SLC6A15: variants seen among roughly 807,000 people sequenced by gnomAD.
SLC6A15 encodes sodium-dependent neutral amino acid transporter B(0)AT2.
Under a neutral mutation model 68.5 loss-of-function variants are expected in SLC6A15, and 33 were observed. That is an observed-to-expected ratio of 0.48 (90% CI 0.37 to 0.64). SLC6A15 has a LOEUF of 0.64. SLC6A15 is among the 30% of genes least tolerant of loss of function. SLC6A15 has a pLI of 0.00. For missense variants in SLC6A15, 747 were observed against 874.3 expected, an observed-to-expected ratio of 0.85 and a Z score of 1.84; for synonymous variants, 347 against 301.0, an observed-to-expected ratio of 1.15 and a Z score of -1.58.
At chr12:84,869,504 C>T (rs978953972) in intron 9 of SLC6A15, among the ~76,000 whole-genome samples, 9 of 148,944 alleles carry the variant, frequency 6.0e-5, no homozygotes, top group African/African-American at 2.0e-4. Context: ...GGGAATTGCA[C>T]ACCACTGCCC....
At chr12:84,885,242 C>A (rs1872035666) in intron 4 of SLC6A15, among the ~76,000 whole-genome samples, 193 bp downstream of exon 4, 1 of 151,894 alleles carries the variant, frequency 6.6e-6, no homozygotes, top group African/African-American at 2.4e-5. Context: ...TTGGAAAGAG[C>A]TAAAAAAATT....
At position 84,861,958 on chromosome 12, in the gene SLC6A15, C is replaced by A; in HGVS notation, c.1867G>T (p.Val623Phe). 3.1e-6 allele frequency: 5 copies of A among 1,612,812 alleles called. No individual in the cohort carries two copies. Among genetic ancestry groups the A allele is most frequent in the Non-Finnish European group, 4.2e-6 (5 of 1,179,484 alleles). The change falls in exon 12 of 12, where the codon GTC becomes TTC. Residue 623 changes from valine to phenylalanine, a missense_variant. Coordinates refer to ENST00000266682, the MANE Select transcript of SLC6A15 (RefSeq NM_182767.6). ...AGTATTGCAAAGACAACCAGAGAGA[C>A]ACAAACAACCAGTCCCCATGTTGGA... is the stretch of plus-strand genomic sequence containing the variant. ...SYPTWGLVVC[V>F]SLVVFAILPV... is the part of the protein sequence containing the mutation.
chr12:84,873,244 T>C lies in SLC6A15; in HGVS notation c.952A>G (p.Ile318Val), dbSNP rs1346318625. The C allele has an allele frequency of 1.9e-6, 3 of 1,613,958 alleles. No homozygotes were observed. Among genetic ancestry groups the C allele is most frequent in the Non-Finnish European group, 1.7e-6 (2 of 1,179,988 alleles). Residue 318 changes from isoleucine (I) to valine (V), a missense_variant, in exon 7 of 12, where the codon ATT becomes GTT. Transcript: ENST00000266682. ...FALGLGFGGV[I>V]AFSSYNKRDN... ...CTCTTGTTGTAGCTTGAAAAGGCAA[T>C]GACACCACCAAATCCCAGACCTAAG...
chr12:84,868,224 CAT>C (rs1391584252), intron 9 of SLC6A15, among the ~76,000 whole-genome samples: 1 of 152,140 alleles, frequency 6.6e-6, no homozygotes, highest in Admixed American at 6.6e-5. Flanking sequence ...CATATGTAAA[CAT>C]ATAATGTAGA....
chr12:84,885,618 G>C (rs575958472), intron 3 of SLC6A15, 57 bp from the exon 4 acceptor site: 1 of 1,479,084 alleles, frequency 6.8e-7, no homozygotes, highest in African/African-American at 1.4e-5. Flanking sequence ...TTAAAAGAAT[G>C]AGATCAAATG....
At chr12:84,869,186 A>G (rs115877477) in intron 9 of SLC6A15, among the ~76,000 whole-genome samples, 1,630 of 152,240 alleles carry the variant, frequency 0.011, 27 homozygotes, top group African/African-American at 0.036. Flanking sequence ...AGAGCTGGGC[A>G]CGGTGGCTCA....
intron 5 of SLC6A15, 60 bp from the exon 6 acceptor site, chr12:84,876,667 A>T: frequency 1.3e-6 from 1 of 741,410 alleles, no homozygotes; most frequent in East Asian, 2.9e-5. Context: ...TATAGATAAG[A>T]TTTTATATGT....
rs769684947 is a variant in SLC6A15 at position 84,860,359 on chromosome 12, T to C, written c.*1273A>G. 6.6e-6 allele frequency: 1 copy of C among 152,102 alleles called. No individual in the cohort carries two copies. The highest frequency in any genetic ancestry group is 1.5e-5 in the Non-Finnish European group (1 of 67,956). 9.4% of individuals were successfully genotyped at this position (152,102 alleles called of 1,614,324 possible). A position where few individuals can be genotyped will look rare whatever the true frequency, so the allele number is the denominator to read the frequency against. On this transcript the variant is annotated 3_prime_UTR_variant, in exon 12 of 12. Coordinates refer to ENST00000266682, the MANE Select transcript of SLC6A15 (RefSeq NM_182767.6). Reference sequence around the variant, plus strand: ...CAACAGTTTTATTTAAAAATCATAGTCTTTTATACTTTGCAGACAATATTG... The same window carrying C: ...CAACAGTTTTATTTAAAAATCATAGCCTTTTATACTTTGCAGACAATATTG...
intron 1 of SLC6A15, among the ~76,000 whole-genome samples, chr12:84,904,313 T>C (rs778560344): frequency 4.6e-5 from 7 of 151,202 alleles, no homozygotes; most frequent in Non-Finnish European, 8.8e-5. Context: ...GGTATTGATA[T>C]TCCAGCCCTA....
chr12:84,867,363 A>G (rs1871107543), intron 9 of SLC6A15, 170 bp from the exon 10 acceptor site: 1 of 414,594 alleles, frequency 2.4e-6, no homozygotes, highest in Non-Finnish European at 4.1e-6. Context: ...GAATTAGGTT[A>G]CCTGGGTGTA....
At chr12:84,910,893 G>C (rs979700664) in intron 1 of SLC6A15, among the ~76,000 whole-genome samples, 1 of 149,016 alleles carries the variant, frequency 6.7e-6, no homozygotes, top group African/African-American at 2.6e-5. Flanking sequence ...ATGCTGGACA[G>C]AAAGCCTGAA....
At chr12:84,910,589 C>A (rs771822395) in intron 1 of SLC6A15, among the ~76,000 whole-genome samples, 11 of 152,170 alleles carry the variant, frequency 7.2e-5, no homozygotes, top group Non-Finnish European at 1.5e-4. Flanking sequence ...GGGGTTCGAG[C>A]TGTGAGAAAC....
chr12:84,867,077 T>G lies in SLC6A15; in HGVS notation c.1612A>C (p.Ile538Leu). ...AAGCATACAGCAATATTCTCCAAAATGACTACAATTAGCAGAGGCAGTGTA... is the reference window on the plus strand; with the variant it reads ...AAGCATACAGCAATATTCTCCAAAAGGACTACAATTAGCAGAGGCAGTGTA... ...SATLPLLIVV[I>L]LENIAVCFVY... The change falls in exon 10 of 12, where the codon ATT becomes CTT. Residue 538 changes from isoleucine to leucine, a missense_variant. Physicochemically the swap from Ile to Leu is conservative, Grantham distance 5 (BLOSUM62 2). Coordinates refer to ENST00000266682, the MANE Select transcript of SLC6A15 (RefSeq NM_182767.6). 1 of 1,610,798 alleles carries G rather than the reference T, an allele frequency of 6.2e-7. No homozygotes were observed. The highest frequency in any genetic ancestry group is 8.5e-7 in the Non-Finnish European group (1 of 1,178,504).
intron 4 of SLC6A15, among the ~76,000 whole-genome samples, chr12:84,884,514 C>G (rs1043189117): frequency 6.6e-6 from 1 of 152,032 alleles, no homozygotes; most frequent in Non-Finnish European, 1.5e-5. Context: ...CCACATTGGC[C>G]AGACTGTTCT....
chr12:84,863,808 A>G (rs1316162497), intron 10 of SLC6A15, among the ~76,000 whole-genome samples: 1 of 152,014 alleles, frequency 6.6e-6, no homozygotes, highest in Admixed American at 6.6e-5. Flanking sequence ...AGCTCTCTTA[A>G]GCCAATTACT....
At chr12:84,880,616 G>A (rs555307124) in intron 5 of SLC6A15, among the ~76,000 whole-genome samples, 1 of 152,084 alleles carries the variant, frequency 6.6e-6, no homozygotes, top group African/African-American at 2.4e-5. Flanking sequence ...TAATGAATGG[G>A]TGAATGATTA....
At chr12:84,864,751 A>C (rs562184482) in intron 10 of SLC6A15, among the ~76,000 whole-genome samples, 116 of 152,126 alleles carry the variant, frequency 7.6e-4, no homozygotes, top group Admixed American at 1.2e-3. Context: ...AGACCAAGAG[A>C]CCTCATTTCA....
intron 1 of SLC6A15, among the ~76,000 whole-genome samples, chr12:84,908,851 T>C (rs1269502357): frequency 6.6e-6 from 1 of 151,988 alleles, no homozygotes; most frequent in Non-Finnish European, 1.5e-5. Context: ...TACCTCTTAG[T>C]TTTTCACTCT....
intron 1 of SLC6A15, among the ~76,000 whole-genome samples, chr12:84,906,170 G>A (rs866906134): frequency 6.6e-6 from 1 of 151,976 alleles, no homozygotes; most frequent in Non-Finnish European, 1.5e-5. Flanking sequence ...AGTGAACACA[G>A]AAATTAAAAA....
Sources: gnomAD v4.1 joint callset for allele counts (sites outside exome capture counted in the v4.1 genomes callset) on GRCh38, gnomAD v4.1.1 for gene constraint, MANE v1.5 for transcripts, NCBI Gene and HGNC (gene_info 2026-07-23, HGNC 2026-07-21) for gene names.